Variants in AUTS2 observed in about 807,000 individuals in gnomAD.
The protein encoded by AUTS2 is autism susceptibility gene 2 protein.
In AUTS2, 17 loss-of-function variants were observed where a neutral mutation model predicts 112.4. The ratio of observed to expected loss-of-function variants is 0.15; its 90% CI spans 0.10 to 0.23. The LOEUF is 0.23. Among genes scored for constraint, AUTS2 ranks in the 10% least tolerant of loss-of-function variants. The pLI, the probability that AUTS2 is intolerant of heterozygous loss-of-function variation, is 1.00. For synonymous variants in AUTS2, 751 were observed against 702.7 expected (o/e 1.07, Z -1.09); for missense variants, 1,510 against 1,701.6 (o/e 0.89, Z 1.98).
intron 3 of AUTS2, among the ~76,000 whole-genome samples, chr7:70,124,599 C>T (rs1290555736): frequency 9.2e-5 from 14 of 151,744 alleles, no homozygotes; most frequent in African/African-American, 2.2e-4. Flanking sequence ...TGTCTCGCTC[C>T]GTCACCAGGT....
intron 4 of AUTS2, among the ~76,000 whole-genome samples, chr7:70,355,247 A>C (rs1252551579): frequency 6.6e-6 from 1 of 152,062 alleles, no homozygotes; most frequent in African/African-American, 2.4e-5. Context: ...TCACTTCCAG[A>C]AATCCGACAG....
chr7:70,047,945 G>T (rs1395298681), intron 2 of AUTS2, among the ~76,000 whole-genome samples: 3 of 152,126 alleles, frequency 2.0e-5, no homozygotes, highest in East Asian at 1.9e-4. Flanking sequence ...ACTTCAAGGA[G>T]AATATGGTAA....
intron 4 of AUTS2, among the ~76,000 whole-genome samples, chr7:70,203,790 A>G (rs1344434922): frequency 6.6e-6 from 1 of 150,514 alleles, no homozygotes; most frequent in East Asian, 1.9e-4. Flanking sequence ...TTTAAAATTC[A>G]TTTGTATCCC....
intron 1 of AUTS2, among the ~76,000 whole-genome samples, chr7:69,639,878 G>A (rs369400235): frequency 6.6e-6 from 1 of 152,202 alleles, no homozygotes; most frequent in Non-Finnish European, 1.5e-5. Context: ...CCCAGGTGGC[G>A]GATGGTTACA....
chr7:70,749,640 C>T (rs141887916), intron 6 of AUTS2, among the ~76,000 whole-genome samples: 130 of 152,322 alleles, frequency 8.5e-4, no homozygotes, highest in African/African-American at 2.8e-3. Flanking sequence ...CTGGTGCTCA[C>T]GCATAAGCTA....
chr7:70,617,649 C>A (rs1437042249), intron 5 of AUTS2, among the ~76,000 whole-genome samples: 1 of 141,704 alleles, frequency 7.1e-6, no homozygotes, highest in East Asian at 2.0e-4. Flanking sequence ...GGCGACAGAG[C>A]GAGACACTGT....
At chr7:70,303,434 G>GCGCACACACACACACACACA (rs1241517255) in intron 4 of AUTS2, among the ~76,000 whole-genome samples, 145 of 142,044 alleles carry the variant, frequency 1.0e-3, no homozygotes, top group Middle Eastern at 3.6e-3. Context: ...GCGCGCGCGC[G>GCGCACACACACACACACACA]CACATACACA....
At chr7:69,983,376 C>T (rs537889521) in intron 2 of AUTS2, among the ~76,000 whole-genome samples, 2 of 149,712 alleles carry the variant, frequency 1.3e-5, no homozygotes, top group Admixed American at 6.6e-5. Context: ...AAAGCCACAG[C>T]AAACAATGTA....
intron 2 of AUTS2, among the ~76,000 whole-genome samples, chr7:69,919,757 T>G (rs546844686): frequency 6.6e-6 from 1 of 152,040 alleles, no homozygotes; most frequent in Non-Finnish European, 1.5e-5. Flanking sequence ...AATTCCCTCT[T>G]CCTTAAAATT....
At chr7:70,340,194 A>C (rs1042667558) in intron 4 of AUTS2, among the ~76,000 whole-genome samples, 66 of 151,120 alleles carry the variant, frequency 4.4e-4, no homozygotes, top group South Asian at 6.3e-4. Flanking sequence ...ACACACACAC[A>C]CCCCGTAATA....
intron 1 of AUTS2, among the ~76,000 whole-genome samples, chr7:69,661,601 C>G (rs1241384148): frequency 1.3e-5 from 2 of 152,102 alleles, no homozygotes; most frequent in Admixed American, 1.3e-4. Context: ...TTTCTGATCT[C>G]TAAGGTCTGA....
chr7:69,998,892 G>C (rs1426078260), intron 2 of AUTS2, among the ~76,000 whole-genome samples: 1 of 152,148 alleles, frequency 6.6e-6, no homozygotes, highest in Non-Finnish European at 1.5e-5. Context: ...ATGGTTGCTG[G>C]AGGTAAGGGT....
chr7:69,958,032 A>G (rs1797286411), intron 2 of AUTS2, among the ~76,000 whole-genome samples: 1 of 152,198 alleles, frequency 6.6e-6, no homozygotes, highest in African/African-American at 2.4e-5. Context: ...AAGGACAGGC[A>G]TTCATGGATG....
At chr7:69,650,317 G>GT (rs1795234251) in intron 1 of AUTS2, among the ~76,000 whole-genome samples, 1 of 152,198 alleles carries the variant, frequency 6.6e-6, no homozygotes, top group African/African-American at 2.4e-5. Context: ...ATAATAAAGA[G>GT]TTAAAGCATC....
intron 5 of AUTS2, among the ~76,000 whole-genome samples, chr7:70,550,198 T>C (rs770780323): frequency 1.3e-5 from 2 of 152,158 alleles, no homozygotes; most frequent in African/African-American, 2.4e-5. Context: ...TCCCCAGACT[T>C]GATAAGGTCT....
At chr7:70,732,778 T>C (rs2129552946) in intron 6 of AUTS2, among the ~76,000 whole-genome samples, 1 of 152,336 alleles carries the variant, frequency 6.6e-6, no homozygotes, top group East Asian at 1.9e-4. Flanking sequence ...TGTATTACTT[T>C]TGCAAACAGG....
intron 10 of AUTS2, among the ~76,000 whole-genome samples, chr7:70,770,669 T>C (rs953211962): frequency 3.3e-4 from 50 of 152,340 alleles, no homozygotes; most frequent in African/African-American, 1.1e-3. Flanking sequence ...AATCATTCTT[T>C]TACCATCATA....
intron 4 of AUTS2, among the ~76,000 whole-genome samples, chr7:70,231,208 G>C (rs1812031479): frequency 1.3e-5 from 2 of 151,992 alleles, no homozygotes; most frequent in South Asian, 4.2e-4. Context: ...TGCTGTCTTG[G>C]GTATGTTGTT....
chr7:70,461,599 C>T (rs539232443), intron 5 of AUTS2, among the ~76,000 whole-genome samples: 1 of 152,312 alleles, frequency 6.6e-6, no homozygotes, highest in Non-Finnish European at 1.5e-5. Context: ...TAATCGCTAA[C>T]ATTGAGAAAG....
Sources: allele counts gnomAD v4.1 joint callset (sites outside exome capture counted in the v4.1 genomes callset), GRCh38; gene constraint gnomAD v4.1.1; transcripts MANE v1.5; gene names NCBI Gene and HGNC (gene_info 2026-07-23, HGNC 2026-07-21).